Variants in EBF1 observed in about 807,000 individuals in gnomAD.
EBF1 encodes transcription factor COE1.
In EBF1, 10 loss-of-function variants were observed where a neutral mutation model predicts 68.4. The observed-to-expected ratio is 0.15, with a 90% CI of 0.09 to 0.25. The LOEUF is 0.25. Ranked by LOEUF, EBF1 falls within the 10% of genes least tolerant of loss-of-function variation. EBF1 has a pLI of 1.00. For missense variants in EBF1, 509 were observed against 794.4 expected (o/e 0.64, Z 4.32); for synonymous variants, 298 against 299.8 (o/e 0.99, Z 0.06).
intron 6 of EBF1, among the ~76,000 whole-genome samples, chr5:158,956,514 C>T (rs1369744117): frequency 6.6e-6 from 1 of 151,958 alleles, no homozygotes; most frequent in Non-Finnish European, 1.5e-5. Flanking sequence ...TTCAGATATT[C>T]CTTCTAAAAT....
intron 6 of EBF1, among the ~76,000 whole-genome samples, chr5:158,943,178 A>C (rs1264827806): frequency 6.6e-6 from 1 of 152,166 alleles, no homozygotes; most frequent in Admixed American, 6.5e-5. Flanking sequence ...GTCTTTCAGG[A>C]GGTCACATTA....
intron 6 of EBF1, among the ~76,000 whole-genome samples, chr5:158,902,196 A>T (rs1803542858): frequency 6.6e-6 from 1 of 152,182 alleles, no homozygotes; most frequent in South Asian, 2.1e-4. Flanking sequence ...GTATTTTTTT[A>T]CTGCTGTCGA....
chr5:158,825,845 C>T (rs1785987434), intron 7 of EBF1, among the ~76,000 whole-genome samples: 1 of 151,980 alleles, frequency 6.6e-6, no homozygotes, highest in Non-Finnish European at 1.5e-5. Flanking sequence ...AACAATTTCT[C>T]CCATTTCAAT....
intron 6 of EBF1, among the ~76,000 whole-genome samples, chr5:158,869,804 T>C (rs1356988476): frequency 6.6e-6 from 1 of 152,168 alleles, no homozygotes; most frequent in Non-Finnish European, 1.5e-5. Flanking sequence ...ATGAAGATAA[T>C]TGGAGAGTCT....
chr5:158,987,799 T>C (rs1056525718), intron 6 of EBF1, among the ~76,000 whole-genome samples: 3 of 152,188 alleles, frequency 2.0e-5, no homozygotes, highest in Non-Finnish European at 4.4e-5. Context: ...CTGCAAATTA[T>C]GTAGATAAAT....
At chr5:159,065,730 GAC>G (rs1776683103) in intron 6 of EBF1, among the ~76,000 whole-genome samples, 1 of 151,892 alleles carries the variant, frequency 6.6e-6, no homozygotes, top group African/African-American at 2.4e-5. Context: ...GTATAATAGT[GAC>G]AGTGTCCAGA....
Position 158,925,410 on chromosome 5 carries a change from C to CA in EBF1, c.555-85301_555-85300insT, listed in dbSNP as rs547859197. On this transcript the variant is annotated intron_variant, in intron 6 of 15. Transcript: ENST00000313708. Reference sequence around the variant, plus strand: ...TGTTAAGTAAATGAATGGTGCATAACTGGATAGATAAATGGAAGATTTCCT... The same window carrying CA: ...TGTTAAGTAAATGAATGGTGCATAACATGGATAGATAAATGGAAGATTTCCT... Among the ~76,000 whole-genome samples, 279 of 152,302 alleles carry CA rather than the reference C, an allele frequency of 1.8e-3. 1 individual carries two copies. Among genetic ancestry groups the CA allele is most frequent in the African/African-American group, 6.6e-3 (273 of 41,554 alleles).
Position 158,697,221 on chromosome 5 carries a change from CA to C in EBF1, c.*1889del, listed in dbSNP as rs1308096550. ...TTGTAAGCTTCCAAAGCAAAGGATACATTTTTTTTTAAATCTACTGAACTAA... is the reference window on the plus strand; with the variant it reads ...TTGTAAGCTTCCAAAGCAAAGGATACTTTTTTTTTAAATCTACTGAACTAA... On this transcript the variant is annotated 3_prime_UTR_variant, in exon 16 of 16. Transcript: ENST00000313708. The C allele has an allele frequency of 5.3e-6, 1 of 190,278 alleles. No homozygotes were observed. The highest frequency in any genetic ancestry group is 8.2e-5 in the East Asian group (1 of 12,130). 11.8% of individuals were successfully genotyped at this position (190,278 alleles called of 1,614,324 possible). A position where few individuals can be genotyped will look rare whatever the true frequency, so the allele number is the denominator to read the frequency against.
At chr5:158,905,350 A>G (rs1751319718) in intron 6 of EBF1, among the ~76,000 whole-genome samples, 1 of 152,178 alleles carries the variant, frequency 6.6e-6, no homozygotes, top group South Asian at 2.1e-4. Context: ...AATATTGACC[A>G]TTATTGGGAA....
chr5:158,949,658 G>A (rs1815570141), intron 6 of EBF1, among the ~76,000 whole-genome samples: 1 of 152,168 alleles, frequency 6.6e-6, no homozygotes, highest in Admixed American at 6.5e-5. Context: ...GGCCAATGTG[G>A]TACTTTGGTT....
At chr5:158,711,273 C>T (rs569671810) in intron 14 of EBF1, among the ~76,000 whole-genome samples, 63 of 151,636 alleles carry the variant, frequency 4.2e-4, no homozygotes, top group African/African-American at 1.5e-3. Flanking sequence ...TTTTTTATTC[C>T]ATTGGAATTT....
Position 159,070,914 on chromosome 5 carries a change from T to C in EBF1, c.554+2482A>G, listed in dbSNP as rs1777679177. On this transcript the variant is annotated intron_variant, in intron 6 of 15. Coordinates refer to ENST00000313708, the MANE Select transcript of EBF1 (RefSeq NM_024007.5). ...CACAGATATTATGCAATCAGTAATA[T>C]AGAATCAAATTGGAAACTATGAAAT... Among the ~76,000 whole-genome samples, 8 of 152,202 alleles carry C rather than the reference T, an allele frequency of 5.3e-5. No homozygotes were observed. In the South Asian group the frequency reaches 1.7e-3, roughly 32 times the overall value.
chr5:158,803,227 C>T (rs1391510804), intron 8 of EBF1, among the ~76,000 whole-genome samples: 1 of 152,014 alleles, frequency 6.6e-6, no homozygotes, highest in Non-Finnish European at 1.5e-5. Flanking sequence ...CCTTTTATCT[C>T]CTTAATTTTG....
At chr5:158,732,089 C>T (rs1764203187) in intron 10 of EBF1, among the ~76,000 whole-genome samples, 1 of 152,130 alleles carries the variant, frequency 6.6e-6, no homozygotes, top group Non-Finnish European at 1.5e-5. Flanking sequence ...CTCCACATCC[C>T]TATATTCTCT....
Position 158,889,275 on chromosome 5 carries a change from G to GA in EBF1, c.555-49166dup, listed in dbSNP as rs1227378511. The stretch of plus-strand genomic sequence containing the variant: ...GGGGATGGCAAGTGGTGAGGATGGG[G>GA]AGACAGTACTTGCAAGTGGGATATG... On this transcript the variant is annotated intron_variant, in intron 6 of 15. Coordinates refer to ENST00000313708, the MANE Select transcript of EBF1 (RefSeq NM_024007.5). Among the ~76,000 whole-genome samples, 5 of 152,306 alleles carry GA rather than the reference G, an allele frequency of 3.3e-5. No individual in the cohort carries two copies. The East Asian group carries it at 7.7e-4, about 23-fold the overall frequency.
At chr5:158,966,523 C>T (rs535494211) in intron 6 of EBF1, among the ~76,000 whole-genome samples, 1 of 152,238 alleles carries the variant, frequency 6.6e-6, no homozygotes, top group Admixed American at 6.5e-5. Flanking sequence ...AAAATAGGCT[C>T]ACAGAGAGAA....
At chr5:158,967,506 C>G (rs1053198432) in intron 6 of EBF1, among the ~76,000 whole-genome samples, 2 of 152,160 alleles carry the variant, frequency 1.3e-5, no homozygotes, top group Non-Finnish European at 2.9e-5. Flanking sequence ...AAAACTGGCT[C>G]TTGAGATAAT....
intron 6 of EBF1, among the ~76,000 whole-genome samples, chr5:158,938,203 G>A (rs1336782809): frequency 2.6e-5 from 4 of 152,242 alleles, no homozygotes; most frequent in Non-Finnish European, 4.4e-5. Flanking sequence ...ATAAAATTGC[G>A]ATACTTTAAC....
intron 10 of EBF1, among the ~76,000 whole-genome samples, chr5:158,763,679 TAA>T (rs1287279093): frequency 1.1e-4 from 16 of 152,150 alleles, no homozygotes; most frequent in African/African-American, 3.9e-4. Flanking sequence ...ATTAGAGAAA[TAA>T]AGAGTTTATC....
Sources: allele counts gnomAD v4.1 joint callset (sites outside exome capture counted in the v4.1 genomes callset), GRCh38; gene constraint gnomAD v4.1.1; transcripts MANE v1.5; gene names NCBI Gene and HGNC (gene_info 2026-07-23, HGNC 2026-07-21).